The following HELQ variants were observed in gnomAD, a reference collection of about 807,000 sequenced individuals.
The protein encoded by HELQ is helicase, POLQ like.
A neutral mutation model predicts 111.6 loss-of-function variants in HELQ; 77 were observed. The ratio of observed to expected loss-of-function variants is 0.69; its 90% CI spans 0.57 to 0.83. The LOEUF is 0.83. HELQ is among the 40% of genes least tolerant of loss of function. HELQ has a pLI of 0.00. For missense variants in HELQ, 1,200 were observed against 1,288.5 expected (o/e 0.93, Z 1.05); for synonymous variants, 438 against 454.7 (o/e 0.96, Z 0.47).
rs1395313684 is a variant in HELQ at position 83,446,851 on chromosome 4, A to C, written c.1376T>G (p.Leu459Arg). Reference protein sequence around the residue: ...IETGRIDSLGLVVVDELHMIG... With the variant: ...IETGRIDSLGRVVVDELHMIG... ...TTAACCAACCTCGTCTACAACAACCAGACCCAGACTGTCAATTCTTCCAGT... is the reference window on the plus strand; with the variant it reads ...TTAACCAACCTCGTCTACAACAACCCGACCCAGACTGTCAATTCTTCCAGT... Residue 459 changes from leucine to arginine, a missense_variant, in exon 4 of 18, where the codon CTG (leucine) becomes CGG (arginine). Physicochemically the swap from Leu to Arg is moderately radical, Grantham distance 102. This residue lies in a region of HELQ where 610 missense variants were observed against 607.1 expected (regional missense o/e 1.00). Transcript: ENST00000295488. The C allele has an allele frequency of 1.2e-6, 2 of 1,611,206 alleles. No homozygotes were observed. Among genetic ancestry groups the C allele is most frequent in the South Asian group, 1.1e-5 (1 of 90,710 alleles).
In HELQ at chr4:83,437,080, T is replaced by G; in HGVS notation, c.1826A>C (p.Lys609Thr). The change falls in exon 9 of 18, where the codon AAG (lysine) becomes ACG (threonine). Residue 609 changes from lysine (K) to threonine (T), a missense_variant. Physicochemically the swap from Lys to Thr is moderately conservative, Grantham distance 78 (BLOSUM62 -1). This residue lies in a region of HELQ where 585 missense variants were observed against 665.3 expected (regional missense o/e 0.88). Coordinates refer to ENST00000295488, the MANE Select transcript of HELQ (RefSeq NM_133636.5). Reference sequence around the variant, plus strand: ...AATCACCTCACATTTTTCTTTCTCCTTATGTTTCAGATATTCCCTATGAAA... The same window carrying G: ...AATCACCTCACATTTTTCTTTCTCCGTATGTTTCAGATATTCCCTATGAAA... ...KFLSKEYLKH[K>T]EKEKCEVIKN... is the part of the protein sequence containing the mutation. 1 of 1,613,432 alleles carries G rather than the reference T, an allele frequency of 6.2e-7. No individual in the cohort carries two copies. Among genetic ancestry groups the G allele is most frequent in the Non-Finnish European group, 8.5e-7 (1 of 1,179,634 alleles).
Position 83,448,812 on chromosome 4 carries a change from G to A in HELQ, c.1162C>T (p.Leu388Phe). The A allele has an allele frequency of 6.2e-7, 1 of 1,613,430 alleles. No homozygotes were observed. The highest frequency in any genetic ancestry group is 1.3e-5 in the African/African-American group (1 of 74,940). Residue 388 changes from leucine to phenylalanine, a missense_variant, in exon 3 of 18, where the codon CTT (leucine) becomes TTT (phenylalanine). Around this residue, in one of 3 missense-constraint regions of HELQ, gnomAD observed 610 missense variants for 607.1 expected, o/e 1.00. Coordinates refer to ENST00000295488, the MANE Select transcript of HELQ (RefSeq NM_133636.5). The part of the protein sequence containing the change: ...LCCRKDVLMI[L>F]PYVAIVQEKI... ...TCTTGGACAATTGCCACATATGGAAGAATCATTAAAACATCTTTCCGACAG... is the reference window on the plus strand; with the variant it reads ...TCTTGGACAATTGCCACATATGGAAAAATCATTAAAACATCTTTCCGACAG...
At chr4:83,420,483 C>CA (rs1242076308) in intron 15 of HELQ, among the ~76,000 whole-genome samples, 5 of 149,376 alleles carry the variant, frequency 3.3e-5, no homozygotes, top group East Asian at 2.0e-4. Context: ...ACCCTTTGCA[C>CA]AAAAAAAATT....
At chr4:83,424,167 A>G (rs147257137) in intron 14 of HELQ, among the ~76,000 whole-genome samples, 1,673 of 152,330 alleles carry the variant, frequency 0.011, 26 homozygotes, top group African/African-American at 0.038. Context: ...ATTACATTAA[A>G]TGTAACAAAA....
chr4:83,434,935 GA>G (rs918005746), intron 9 of HELQ, among the ~76,000 whole-genome samples: 3 of 151,588 alleles, frequency 2.0e-5, no homozygotes, highest in Admixed American at 6.6e-5. Flanking sequence ...AGAAATAACA[GA>G]AAAAAAATTA....
In HELQ at chr4:83,427,644, G is replaced by T. The variant is rs772677558; in HGVS notation, c.2595C>A (p.Ser865Arg). The T allele has an allele frequency of 1.9e-6, 3 of 1,607,112 alleles. No individual in the cohort carries two copies. The Admixed American group carries it at 5.1e-5, about 27-fold the overall frequency. The change falls in exon 13 of 18, where the codon AGC becomes AGA. Residue 865 changes from serine (S) to arginine (R), a missense_variant. Transcript: ENST00000295488. ...TTGTTAGGTAGATTAGATGAAGAAG[G>T]CTTTCAAGCACAAGTCCTTCAAGAC... The part of the protein sequence containing the change: ...KKGLEGLVLE[S>R]LLHLIYLTTP...
Position 83,407,520 on chromosome 4 carries a change from A to G in HELQ, c.3239T>C (p.Val1080Ala). ...AGAAGGCAATCTTAGTAACTCTTCT[A>G]CCTCTTCTTGCAGGGCTTCTGCTTT... ...HEKAEALQEEVEELLRLPSDF... is the reference protein window; with the variant it reads ...HEKAEALQEEAEELLRLPSDF... The change falls in exon 18 of 18, where the codon GTA becomes GCA. Residue 1080 changes from valine (V) to alanine (A), a missense_variant. Val to Ala is a moderately conservative substitution (Grantham distance 64). Coordinates refer to ENST00000295488, the MANE Select transcript of HELQ (RefSeq NM_133636.5). The G allele has an allele frequency of 2.5e-6, 4 of 1,612,224 alleles. No individual in the cohort carries two copies.
At position 83,455,465 on chromosome 4, in the gene HELQ, G is replaced by A. The variant is rs748228043; in HGVS notation, c.229C>T (p.Leu77Phe). Reference protein sequence around the residue: ...LLSDSPECLVLGGGDTNPDLL... With the variant: ...LLSDSPECLVFGGGDTNPDLL... ...TCCGGGTTTGTATCACCACCTCCAA[G>A]GACGAGACATTCCGGGGAATCTGAG... Residue 77 changes from leucine to phenylalanine, a missense_variant, in exon 1 of 18, where the codon CTT (leucine) becomes TTT (phenylalanine). By Grantham distance (22) the Leu-to-Phe change is conservative. Coordinates refer to ENST00000295488, the MANE Select transcript of HELQ (RefSeq NM_133636.5). 1 of 1,614,068 alleles carries A rather than the reference G, an allele frequency of 6.2e-7. No individual in the cohort carries two copies. Among genetic ancestry groups the A allele is most frequent in the African/African-American group, 1.3e-5 (1 of 74,926 alleles).
intron 2 of HELQ, among the ~76,000 whole-genome samples, chr4:83,452,517 T>C (rs932771241): frequency 3.3e-5 from 5 of 152,154 alleles, no homozygotes; most frequent in African/African-American, 1.2e-4. Context: ...TAATCAACAG[T>C]ATTACTAATA....
chr4:83,431,696 G>A lies in HELQ; in HGVS notation c.2263C>T (p.Gln755Ter). The A allele has an allele frequency of 6.4e-7, 1 of 1,559,148 alleles. No homozygotes were observed. Among genetic ancestry groups the A allele is most frequent in the South Asian group, 1.2e-5 (1 of 83,596 alleles). Residue 755 changes from glutamine (Q) to a stop codon, truncating the protein, a stop_gained, in exon 11 of 18, where the codon CAA (glutamine) becomes TAA (stop). Coordinates refer to ENST00000295488, the MANE Select transcript of HELQ (RefSeq NM_133636.5). LOFTEE classifies it high-confidence loss of function. The stretch of plus-strand genomic sequence containing the variant: ...CCAATCAAAGAGAGAAATAATGTTT[G>A]GATTCCCTTGGTGAATTCCTGAACA... ...HLVQEFTKGIQTLFLSLIGLK... is the reference protein window; with the variant it reads ...HLVQEFTKGI
chr4:83,455,206 T>C, intron 1 of HELQ, 191 bp downstream of exon 1: 1 of 1,250,794 alleles, frequency 8.0e-7, no homozygotes, highest in South Asian at 1.7e-5. Context: ...GTGCACAACT[T>C]TTATGTCTCG....
chr4:83,447,406 C>T (rs1721110595), intron 3 of HELQ, among the ~76,000 whole-genome samples: 1 of 152,056 alleles, frequency 6.6e-6, no homozygotes, highest in South Asian at 2.1e-4. Flanking sequence ...ATTAGGTGCT[C>T]ATGGGGTTCA....
At position 83,455,390 on chromosome 4, in the gene HELQ, T is replaced by C; in HGVS notation, c.297+7A>G. 1.2e-6 allele frequency: 2 copies of C among 1,608,016 alleles called. No homozygotes were observed. Among genetic ancestry groups the C allele is most frequent in the Non-Finnish European group, 1.7e-6 (2 of 1,174,852 alleles). The stretch of plus-strand genomic sequence containing the variant: ...GTTTGCAGTTTCAAGTTCCAAGTCC[T>C]CCGTACCTGGTCTCCCACCCCTCTG... On this transcript the variant is annotated splice_region_variant and intron_variant, in intron 1 of 17. Coordinates refer to ENST00000295488, the MANE Select transcript of HELQ (RefSeq NM_133636.5).
At chr4:83,410,985 TAA>T (rs770944150) in intron 17 of HELQ, among the ~76,000 whole-genome samples, 9 of 132,378 alleles carry the variant, frequency 6.8e-5, no homozygotes, top group Non-Finnish European at 8.2e-5. Flanking sequence ...ACCCCATCTC[TAA>T]AAAAAAAAAA....
Position 83,407,464 on chromosome 4 carries a change from C to T in HELQ, c.3295G>A (p.Asp1099Asn), listed in dbSNP as rs745357745. Residue 1099 changes from aspartate (D) to asparagine (N), a missense_variant, in exon 18 of 18, where the codon GAC (aspartate) becomes AAC (asparagine). Coordinates refer to ENST00000295488, the MANE Select transcript of HELQ (RefSeq NM_133636.5). ...DFPGAVASSTDKA is the reference protein window; with the variant it reads ...DFPGAVASSTNKA ...CTCATCAGATAGCTTCATGCTTTGT[C>T]AGTGGAAGAAGCCACAGCACCAGGG... The T allele has an allele frequency of 2.5e-6, 4 of 1,600,210 alleles. No homozygotes were observed. The highest frequency in any genetic ancestry group is 1.1e-5 in the South Asian group (1 of 88,416).
chr4:83,446,794 T>C (rs762098701), intron 4 of HELQ, 41 bp downstream of exon 4: 1 of 1,173,066 alleles, frequency 8.5e-7, no homozygotes, highest in South Asian at 1.3e-5. Context: ...AAATATTTAG[T>C]ATAATAAAAA....
At chr4:83,424,613 C>T (rs1037252223) in intron 14 of HELQ, among the ~76,000 whole-genome samples, 2 of 151,974 alleles carry the variant, frequency 1.3e-5, no homozygotes, top group Admixed American at 6.6e-5. Context: ...AGCTGGAGTG[C>T]AGTGGTGTGA....
chr4:83,450,036 T>C (rs1369192879), intron 2 of HELQ, among the ~76,000 whole-genome samples: 1 of 151,578 alleles, frequency 6.6e-6, no homozygotes, highest in East Asian at 1.9e-4. Context: ...GTATTACTTT[T>C]GGGATTCTAC....
chr4:83,429,127 A>G (rs1720004668), intron 12 of HELQ, among the ~76,000 whole-genome samples: 1 of 152,040 alleles, frequency 6.6e-6, no homozygotes, highest in South Asian at 2.1e-4. Context: ...TATAAATACA[A>G]CTTAAAGAAA....
Sources: gnomAD v4.1 joint callset for allele counts (sites outside exome capture counted in the v4.1 genomes callset) on GRCh38, gnomAD v4.1.1 for gene constraint, gnomAD v4.1.1 regional missense constraint, MANE v1.5 for transcripts, NCBI Gene and HGNC (gene_info 2026-07-23, HGNC 2026-07-21) for gene names.